The following ERAP1 variants were observed in gnomAD, a reference collection of about 807,000 sequenced individuals.
ERAP1 encodes the protein adipocyte-derived leucine aminopeptidase.
A neutral mutation model predicts 103.7 loss-of-function variants in ERAP1; 86 were observed. The observed-to-expected ratio is 0.83, with a 90% CI of 0.70 to 0.99. The LOEUF (loss-of-function observed/expected upper bound fraction) is 0.99, where lower values mean the gene tolerates loss of function less well. ERAP1 is among the 50% of genes least tolerant of loss of function. The pLI, the probability that ERAP1 is intolerant of heterozygous loss-of-function variation, is 0.00. For missense variants in ERAP1, 1,009 were observed against 1,128.4 expected, an observed-to-expected ratio of 0.89 and a Z score of 1.52; for synonymous variants, 398 against 402.4, an observed-to-expected ratio of 0.99 and a Z score of 0.13.
chr5:96,774,479 T>G (rs1773604838), downstream of ERAP1: 1 of 983,722 alleles, frequency 1.0e-6, no homozygotes, highest in African/African-American at 1.7e-5. Context: ...ATTGCAAATA[T>G]CCACTTAGAG....
chr5:96,883,868 G>A, the ERAP1 span: 3 of 1,613,700 alleles, frequency 1.9e-6, no homozygotes, highest in African/African-American at 4.0e-5. Context: ...GTTGTTCAAA[G>A]CCAACTTTTC....
chr5:96,935,519 C>G, the ERAP1 span: 1 of 153,070 alleles, frequency 6.5e-6, no homozygotes, highest in African/African-American at 2.4e-5. Flanking sequence ...TAGCGACCTT[C>G]GCCCGCAGGT....
At chr5:96,888,558 T>C in the ERAP1 span, among the ~76,000 whole-genome samples, 1 of 152,232 alleles carries the variant, frequency 6.6e-6, no homozygotes, top group African/African-American at 2.4e-5. Flanking sequence ...ACATTTTTTC[T>C]GCATAAAAGT....
chr5:96,889,212 C>T, the ERAP1 span: 72 of 1,614,114 alleles, frequency 4.5e-5, no homozygotes, highest in Middle Eastern at 2.6e-3. Flanking sequence ...CCCAGACAAA[C>T]GGAATCAAAC....
chr5:96,932,959 C>G, the ERAP1 span, among the ~76,000 whole-genome samples: 1 of 152,048 alleles, frequency 6.6e-6, no homozygotes, highest in Non-Finnish European at 1.5e-5. Flanking sequence ...TTCATAATAA[C>G]TTAAACTGTC....
chr5:96,894,456 T>C, the ERAP1 span, among the ~76,000 whole-genome samples: 1 of 152,144 alleles, frequency 6.6e-6, no homozygotes, highest in South Asian at 2.1e-4. Flanking sequence ...TAGAATCTTA[T>C]TGTTGAAGCT....
chr5:96,774,116 C>T (rs1342785866), downstream of ERAP1: 1 of 153,094 alleles, frequency 6.5e-6, no homozygotes, highest in African/African-American at 2.4e-5. Flanking sequence ...GGATTTCTAA[C>T]CATGTATCTA....
At chr5:96,932,615 C>T in the ERAP1 span, among the ~76,000 whole-genome samples, 4,934 of 152,178 alleles carry the variant, frequency 0.032, 152 homozygotes, top group South Asian at 0.088. Flanking sequence ...GTGGATTGTG[C>T]GTAAATATTC....
the ERAP1 span, chr5:96,892,539 TC>T: frequency 6.7e-7 from 1 of 1,497,092 alleles, no homozygotes; most frequent in Non-Finnish European, 9.1e-7. Context: ...ACAAAATAAA[TC>T]ATCTCATTTA....
intron 19 of ERAP1, among the ~76,000 whole-genome samples, chr5:96,766,731 T>C (rs552991218): frequency 7.9e-5 from 12 of 152,206 alleles, no homozygotes; most frequent in Non-Finnish European, 1.6e-4. Context: ...CCCACCTCTT[T>C]CCTATTTAGT....
intron 19 of ERAP1, among the ~76,000 whole-genome samples, chr5:96,764,271 T>G (rs1301219210): frequency 6.6e-6 from 1 of 152,186 alleles, no homozygotes; most frequent in African/African-American, 2.4e-5. Context: ...ATCATTTACT[T>G]TTCTCAGCAA....
chr5:96,831,961 G>A, the ERAP1 span, among the ~76,000 whole-genome samples: 3 of 152,200 alleles, frequency 2.0e-5, no homozygotes, highest in African/African-American at 7.2e-5. Context: ...CACAGTGACA[G>A]TATTTTGAGA....
the ERAP1 span, among the ~76,000 whole-genome samples, chr5:96,835,714 C>T: frequency 6.6e-6 from 1 of 152,094 alleles, no homozygotes; most frequent in African/African-American, 2.4e-5. Flanking sequence ...TGAATAAATC[C>T]TTCAAAAAGC....
At chr5:96,819,785 T>C in the ERAP1 span, among the ~76,000 whole-genome samples, 2 of 152,230 alleles carry the variant, frequency 1.3e-5, no homozygotes, top group African/African-American at 2.4e-5. Flanking sequence ...ACCCTGCATA[T>C]TCAGCACAGT....
At chr5:96,788,205 G>GGCA (rs1171430909) in intron 11 of ERAP1, among the ~76,000 whole-genome samples, 1 of 152,032 alleles carries the variant, frequency 6.6e-6, no homozygotes, top group African/African-American at 2.4e-5. Context: ...CCAAATGCTA[G>GGCA]GCACTATTGT....
At chr5:96,923,317 C>T in the ERAP1 span, among the ~76,000 whole-genome samples, 2 of 152,112 alleles carry the variant, frequency 1.3e-5, no homozygotes, top group Admixed American at 1.3e-4. Context: ...TTTGTTGACC[C>T]CTCGGTCTCA....
chr5:96,892,238 G>A, the ERAP1 span: 3 of 1,562,316 alleles, frequency 1.9e-6, no homozygotes, highest in South Asian at 1.1e-5. Context: ...TGAGCAGAGA[G>A]CAAATTCTAT....
At chr5:96,830,460 T>C in the ERAP1 span, among the ~76,000 whole-genome samples, 1 of 152,164 alleles carries the variant, frequency 6.6e-6, no homozygotes, top group African/African-American at 2.4e-5. Flanking sequence ...ATTATGGCAG[T>C]GACTGAAAAC....
the ERAP1 span, among the ~76,000 whole-genome samples, chr5:96,840,093 T>A: frequency 6.6e-6 from 1 of 152,338 alleles, no homozygotes; most frequent in East Asian, 1.9e-4. Flanking sequence ...CAATAAACAA[T>A]TATTAGATGA....
Sources: gnomAD v4.1 joint callset for allele counts (sites outside exome capture counted in the v4.1 genomes callset) on GRCh38, gnomAD v4.1.1 for gene constraint, MANE v1.5 for transcripts, NCBI Gene and HGNC (gene_info 2026-07-23, HGNC 2026-07-21) for gene names.